The following ALK variants were observed in gnomAD, a reference collection of about 807,000 sequenced individuals.
ALK encodes the protein ALK receptor tyrosine kinase, also known as ALK tyrosine kinase receptor.
In ALK, 74 loss-of-function variants were observed where a neutral mutation model predicts 163.1. The ratio of observed to expected loss-of-function variants is 0.45; its 90% confidence interval spans 0.38 to 0.55. The LOEUF (loss-of-function observed/expected upper bound fraction) is 0.55. Ranked by LOEUF, ALK falls within the 20% of genes least tolerant of loss-of-function variation. The probability of loss-of-function intolerance (pLI) is 0.00; values close to 1 mark genes in which losing one functional copy is unlikely to be tolerated. For synonymous variants in ALK, 960 were observed against 843.2 expected (o/e 1.14, Z -2.40); for missense variants, 2,063 against 2,105.3 (o/e 0.98, Z 0.39).
chr2:29,635,242 T>C (rs985877997), intron 3 of ALK, among the ~76,000 whole-genome samples: 2 of 152,202 alleles, frequency 1.3e-5, no homozygotes, highest in African/African-American at 2.4e-5. Flanking sequence ...GGATGAATAA[T>C]AACCACCCAA....
chr2:29,801,853 A>G (rs551014012), intron 1 of ALK, among the ~76,000 whole-genome samples: 41 of 152,304 alleles, frequency 2.7e-4, no homozygotes, highest in Non-Finnish European at 5.3e-4. Context: ...CCTGAAGGTC[A>G]CTTGACTCTT....
At chr2:29,775,801 T>A (rs1273166942) in intron 1 of ALK, among the ~76,000 whole-genome samples, 1 of 152,184 alleles carries the variant, frequency 6.6e-6, no homozygotes, top group African/African-American at 2.4e-5. Flanking sequence ...TGGCAATGGA[T>A]AGTAACCACC....
chr2:29,384,147 C>A (rs1246346514), intron 4 of ALK, among the ~76,000 whole-genome samples: 1 of 152,188 alleles, frequency 6.6e-6, no homozygotes, highest in Non-Finnish European at 1.5e-5. Flanking sequence ...GCTCTTTGGA[C>A]TATTTGAGTA....
At chr2:29,812,544 T>C (rs1219284111) in intron 1 of ALK, among the ~76,000 whole-genome samples, 2 of 152,184 alleles carry the variant, frequency 1.3e-5, no homozygotes, top group Admixed American at 6.5e-5. Context: ...TATTATTTCA[T>C]ACATATAAAA....
chr2:29,491,354 C>T (rs1490045851), intron 4 of ALK, among the ~76,000 whole-genome samples: 4 of 152,102 alleles, frequency 2.6e-5, no homozygotes, highest in African/African-American at 4.8e-5. Flanking sequence ...AGTAAGTATG[C>T]GTTGATTGCA....
intron 1 of ALK, among the ~76,000 whole-genome samples, chr2:29,910,936 TC>T (rs1158232653): frequency 1.3e-5 from 2 of 152,146 alleles, no homozygotes; most frequent in Admixed American, 6.5e-5. Context: ...GTCCTGTTCA[TC>T]CTGTTCTTTA....
chr2:29,601,398 G>T (rs1247390997), intron 3 of ALK, among the ~76,000 whole-genome samples: 4 of 152,102 alleles, frequency 2.6e-5, no homozygotes, highest in Non-Finnish European at 4.4e-5. Context: ...AAAGTATTAG[G>T]GTTATCTTGA....
intron 3 of ALK, among the ~76,000 whole-genome samples, chr2:29,534,962 A>G (rs1161689097): frequency 6.6e-6 from 1 of 152,226 alleles, no homozygotes; most frequent in African/African-American, 2.4e-5. Flanking sequence ...ATGGAACTCT[A>G]TAGTTGAGAG....
At chr2:29,380,543 T>C (rs545302500) in intron 5 of ALK, among the ~76,000 whole-genome samples, 27 of 152,138 alleles carry the variant, frequency 1.8e-4, no homozygotes, top group Admixed American at 1.5e-3. Flanking sequence ...CTCAGCCTCC[T>C]GAGTAGTTGG....
chr2:29,226,096 C>T (rs1225887254), intron 18 of ALK, among the ~76,000 whole-genome samples: 5 of 151,950 alleles, frequency 3.3e-5, no homozygotes, highest in African/African-American at 4.8e-5. Context: ...AGAAGAGGGA[C>T]ACTGGTGGGG....
At chr2:29,238,508 A>G (rs1436841538) in intron 13 of ALK, among the ~76,000 whole-genome samples, 1 of 152,152 alleles carries the variant, frequency 6.6e-6, no homozygotes, top group Non-Finnish European at 1.5e-5. Context: ...CTGCAGTTTA[A>G]TTCTTAGAGT....
chr2:29,839,685 T>A (rs905300945), intron 1 of ALK, among the ~76,000 whole-genome samples: 4 of 152,146 alleles, frequency 2.6e-5, no homozygotes, highest in Non-Finnish European at 5.9e-5. Flanking sequence ...TGGAATGACC[T>A]TTTCTTTATC....
chr2:29,268,527 G>T (rs1009864981), intron 11 of ALK, among the ~76,000 whole-genome samples: 3 of 152,150 alleles, frequency 2.0e-5, no homozygotes, highest in Admixed American at 6.5e-5. Flanking sequence ...CCCTGCATAG[G>T]GTTTGGCACA....
chr2:29,903,301 C>T (rs1342280857), intron 1 of ALK, among the ~76,000 whole-genome samples: 1 of 152,198 alleles, frequency 6.6e-6, no homozygotes, highest in Non-Finnish European at 1.5e-5. Flanking sequence ...TTCACTGGGA[C>T]ATGGGCTATG....
chr2:29,868,674 C>T (rs1296765709), intron 1 of ALK, among the ~76,000 whole-genome samples: 1 of 152,254 alleles, frequency 6.6e-6, no homozygotes, highest in Non-Finnish European at 1.5e-5. Flanking sequence ...GCCAAATTTC[C>T]TCACTCTAAC....
chr2:29,362,016 G>A (rs1255469785), intron 5 of ALK, among the ~76,000 whole-genome samples: 1 of 152,170 alleles, frequency 6.6e-6, no homozygotes, highest in African/African-American at 2.4e-5. Flanking sequence ...ATGGAGAAAG[G>A]ACACAAAGGC....
chr2:29,717,332 G>C (rs1454818951), intron 2 of ALK, among the ~76,000 whole-genome samples: 2 of 152,188 alleles, frequency 1.3e-5, no homozygotes, highest in African/African-American at 4.8e-5. Context: ...GGCTAAGCAG[G>C]AGGGATATGG....
chr2:29,322,261 A>C (rs192929495), intron 6 of ALK, among the ~76,000 whole-genome samples: 58 of 152,258 alleles, frequency 3.8e-4, no homozygotes, highest in Non-Finnish European at 7.4e-5. Flanking sequence ...ATTATTACTC[A>C]TTTCCCCCAG....
chr2:29,867,653 C>A (rs571316951), intron 1 of ALK, among the ~76,000 whole-genome samples: 1 of 152,196 alleles, frequency 6.6e-6, no homozygotes, highest in African/African-American at 2.4e-5. Context: ...GGTAATGCAG[C>A]CACCACTTTC....
Sources: gnomAD v4.1 joint callset for allele counts (sites outside exome capture counted in the v4.1 genomes callset) on GRCh38, gnomAD v4.1.1 for gene constraint, MANE v1.5 for transcripts, NCBI Gene and HGNC (gene_info 2026-07-23, HGNC 2026-07-21) for gene names.